The following CDH23 variants were observed in gnomAD, a reference collection of about 807,000 sequenced individuals.
CDH23 encodes cadherin-23.
In CDH23, 189 loss-of-function variants were observed where a neutral mutation model predicts 317.1. That is an observed-to-expected ratio of 0.60 (90% confidence interval 0.53 to 0.67). The LOEUF (loss-of-function observed/expected upper bound fraction) is 0.67, where lower values mean the gene tolerates loss of function less well. CDH23 is among the 30% of genes least tolerant of loss of function. CDH23 has a pLI of 0.00. For synonymous variants in CDH23, 1,839 were observed against 1,876.8 expected (o/e 0.98, Z 0.52); for missense variants, 4,401 against 4,592.4 (o/e 0.96, Z 1.20).
chr10:71,486,885 C>T lies in CDH23; in HGVS notation c.146-23197C>T, dbSNP rs574195471. On this transcript the variant is annotated intron_variant, in intron 3 of 69. Coordinates refer to ENST00000224721, the MANE Select transcript of CDH23 (RefSeq NM_022124.6). ...ATGCAGCTGCTGGAAAGGCCTCAGC[C>T]GACCCTCTGGGGAGCCCTGGGGAGG... Among the ~76,000 whole-genome samples the T allele has an allele frequency of 1.1e-4, 16 of 152,230 alleles. No homozygotes were observed. In the South Asian group the frequency reaches 2.9e-3, roughly 28 times the overall value.
At chr10:71,481,157 G>A (rs1852044138) in intron 3 of CDH23, among the ~76,000 whole-genome samples, 1 of 152,152 alleles carries the variant, frequency 6.6e-6, no homozygotes, top group African/African-American at 2.4e-5. Context: ...TTCATGGCTG[G>A]AGGGCTGGAA....
intron 1 of CDH23, among the ~76,000 whole-genome samples, chr10:71,415,542 T>C (rs1018826230): frequency 8.5e-5 from 13 of 152,226 alleles, no homozygotes; most frequent in African/African-American, 2.4e-4. Flanking sequence ...TTTGTATTTC[T>C]TTTCTTCAGT....
chr10:71,578,204 C>T (rs936792576), intron 9 of CDH23, among the ~76,000 whole-genome samples: 27 of 151,842 alleles, frequency 1.8e-4, no homozygotes, highest in African/African-American at 5.8e-4. Flanking sequence ...GCTGGGAAGC[C>T]GACAGAGGCT....
intron 11 of CDH23, among the ~76,000 whole-genome samples, chr10:71,618,079 C>T (rs1723332678): frequency 6.6e-6 from 1 of 152,114 alleles, no homozygotes; most frequent in African/African-American, 2.4e-5. Flanking sequence ...ATGCCTGTAC[C>T]CGTTTTTGCT....
At chr10:71,677,993 G>A (rs58703380) in intron 16 of CDH23, among the ~76,000 whole-genome samples, 6 of 152,226 alleles carry the variant, frequency 3.9e-5, no homozygotes, top group Non-Finnish European at 7.4e-5. Context: ...CCTTCTATCC[G>A]CAAAGAATAC....
chr10:71,489,594 G>GGGGT lies in CDH23; in HGVS notation c.146-20487_146-20486insGGTG, dbSNP rs1554830087. Reference sequence around the variant, plus strand: ...TAGGTTTTCATTCACAGTGCCTCGGGGTGTGTGTGTGTGTGTGTGTGTGTG... The same window carrying GGGGT: ...TAGGTTTTCATTCACAGTGCCTCGGGGGGTGTGTGTGTGTGTGTGTGTGTGTGTG... On this transcript the variant is annotated intron_variant, in intron 3 of 69. Transcript: ENST00000224721. 1.6e-3 allele frequency among the ~76,000 whole-genome samples: 220 copies of GGGGT among 139,884 alleles called. 2 individuals are homozygous for GGGGT. Among genetic ancestry groups the GGGGT allele is most frequent in the East Asian group, 4.7e-3 (22 of 4,706 alleles). The allele number at this position is 139,884 out of a possible 152,430, so 91.8% of individuals were successfully genotyped here. A position where few individuals can be genotyped will look rare whatever the true frequency, so the allele number is the denominator to read the frequency against.
intron 6 of CDH23, among the ~76,000 whole-genome samples, chr10:71,525,122 G>A (rs1232608630): frequency 6.6e-6 from 1 of 152,046 alleles, no homozygotes; most frequent in East Asian, 1.9e-4. Flanking sequence ...GGCCAGGCTG[G>A]CCTTGAACTA....
chr10:71,401,259 C>T (rs1847770045), intron 1 of CDH23, among the ~76,000 whole-genome samples: 1 of 152,120 alleles, frequency 6.6e-6, no homozygotes, highest in Non-Finnish European at 1.5e-5. Context: ...GGTGGGCTGC[C>T]CCTCCAGCCT....
At chr10:71,708,975 C>A in intron 26 of CDH23, 123 bp from the exon 27 acceptor site, 1 of 869,460 alleles carries the variant, frequency 1.2e-6, no homozygotes. Flanking sequence ...AGGGCCGAAT[C>A]AGCAGCACAG....
chr10:71,814,954 G>T lies in CDH23; in HGVS notation c.9741G>T (p.Leu3247=), dbSNP rs758201046. ...ASSCHSSISE[L]IQTELDEEPG... is the part of the protein sequence containing the mutation. The stretch of plus-strand genomic sequence containing the variant: ...GTGGGGGTCCCGGCCTCTTGCAGCT[G>T]ATACAGACTGAGCTGGACGAGGAGC... The change falls in exon 70 of 70, where the codon CTG becomes CTT. Residue 3247 remains leucine (L), a splice_region_variant and synonymous_variant. Coordinates refer to ENST00000224721, the MANE Select transcript of CDH23 (RefSeq NM_022124.6). 2 of 1,609,488 alleles carry T rather than the reference G, an allele frequency of 1.2e-6. No individual in the cohort carries two copies. Among genetic ancestry groups the T allele is most frequent in the African/African-American group, 2.7e-5 (2 of 74,892 alleles).
intron 16 of CDH23, 64 bp from the exon 17 acceptor site, chr10:71,679,323 C>G: frequency 1.2e-6 from 1 of 833,588 alleles, no homozygotes; most frequent in Admixed American, 2.0e-5. Context: ...TCCCAGCTGC[C>G]CACCCTCTTC....
intron 3 of CDH23, among the ~76,000 whole-genome samples, chr10:71,454,052 T>C (rs1235375142): frequency 6.6e-6 from 1 of 152,202 alleles, no homozygotes; most frequent in Non-Finnish European, 1.5e-5. Context: ...TGTCCACCTT[T>C]GCCTTCACCC....
At chr10:71,616,391 G>A (rs1046269649) in intron 10 of CDH23, among the ~76,000 whole-genome samples, 2 of 152,186 alleles carry the variant, frequency 1.3e-5, no homozygotes, top group African/African-American at 2.4e-5. Flanking sequence ...TGCTGTTCAG[G>A]TGTGGGTTAG....
chr10:71,532,433 A>C (rs956437255), intron 6 of CDH23, among the ~76,000 whole-genome samples: 4 of 152,158 alleles, frequency 2.6e-5, no homozygotes, highest in African/African-American at 7.2e-5. Context: ...AGGAGCACTG[A>C]GCGTCAGGGG....
chr10:71,741,851 C>T lies in CDH23; in HGVS notation c.4775C>T (p.Pro1592Leu). 1 of 1,611,388 alleles carries T rather than the reference C, an allele frequency of 6.2e-7. No individual in the cohort carries two copies. The highest frequency in any genetic ancestry group is 1.1e-5 in the South Asian group (1 of 90,484). The change falls in exon 38 of 70, where the codon CCT becomes CTT. Residue 1592 changes from proline (P) to leucine (L), a missense_variant. By Grantham distance (98) the Pro-to-Leu change is moderately conservative. This residue lies in a region of CDH23 where 3,068 missense variants were observed against 3,203.3 expected (regional missense o/e 0.96). Coordinates refer to ENST00000224721, the MANE Select transcript of CDH23 (RefSeq NM_022124.6). ...GAGATCGCCACACGGCCTGCCCCGC[C>T]TGACCGCGAGCGCCAGAGCTTCTAC... is the stretch of plus-strand genomic sequence containing the variant. ...SGEIATRPAP[P>L]DRERQSFYHL...
intron 3 of CDH23, among the ~76,000 whole-genome samples, chr10:71,450,798 C>T (rs1028591065): frequency 3.3e-5 from 5 of 152,154 alleles, no homozygotes; most frequent in African/African-American, 9.7e-5. Flanking sequence ...TCCTCATTCT[C>T]ATTCCCGTGG....
intron 11 of CDH23, among the ~76,000 whole-genome samples, chr10:71,625,396 T>TAAAAAAAA (rs1156772192): frequency 3.0e-4 from 6 of 19,832 alleles, no homozygotes; most frequent in South Asian, 3.8e-3. Context: ...CCAAATAAAT[T>TAAAAAAAA]AAAAAAAAAA....
chr10:71,488,322 C>T (rs79746075), intron 3 of CDH23, among the ~76,000 whole-genome samples: 1,618 of 152,278 alleles, frequency 0.011, 20 homozygotes, highest in African/African-American at 0.031. Flanking sequence ...TACAAGATGC[C>T]GTAAATTTGG....
At chr10:71,415,722 GTT>G (rs1848506373) in intron 1 of CDH23, among the ~76,000 whole-genome samples, 1 of 152,050 alleles carries the variant, frequency 6.6e-6, no homozygotes, top group South Asian at 2.1e-4. Context: ...GGTTCAAAGT[GTT>G]TTCTAATTTC....
Sources: allele counts gnomAD v4.1 joint callset (sites outside exome capture counted in the v4.1 genomes callset), GRCh38; gene constraint gnomAD v4.1.1; regional missense constraint gnomAD v4.1.1; transcripts MANE v1.5; gene names NCBI Gene and HGNC (gene_info 2026-07-23, HGNC 2026-07-21).